Variants in ZCWPW2 observed in about 807,000 individuals in gnomAD.
The protein encoded by ZCWPW2 is zinc finger CW-type and PWWP domain containing 2, also known as zinc finger CW-type PWWP domain protein 2.
In ZCWPW2, 45 loss-of-function variants were observed where a neutral mutation model predicts 46.6. The observed-to-expected ratio is 0.96, with a 90% CI of 0.76 to 1.24. The LOEUF (loss-of-function observed/expected upper bound fraction) is 1.24, where lower values mean the gene tolerates loss of function less well. ZCWPW2 is among the 50% of genes most tolerant of loss of function. The pLI is 0.00. For missense variants in ZCWPW2, 429 were observed against 403.9 expected (o/e 1.06, Z -0.53); for synonymous variants, 152 against 137.1 (o/e 1.11, Z -0.76).
At chr3:28,441,956 A>G (rs1325409423) in intron 4 of ZCWPW2, among the ~76,000 whole-genome samples, 2 of 152,168 alleles carry the variant, frequency 1.3e-5, no homozygotes, top group Non-Finnish European at 2.9e-5. Context: ...ACTGTGATTT[A>G]CCTATTTGGG....
At chr3:28,459,546 T>G (rs1478740158) in intron 4 of ZCWPW2, among the ~76,000 whole-genome samples, 2 of 152,200 alleles carry the variant, frequency 1.3e-5, no homozygotes, top group African/African-American at 4.8e-5. Flanking sequence ...TTTATTGTGT[T>G]TACTCTATGG....
chr3:28,386,618 AT>A (rs1169142474), intron 1 of ZCWPW2, among the ~76,000 whole-genome samples: 4 of 152,188 alleles, frequency 2.6e-5, no homozygotes, highest in African/African-American at 9.6e-5. Context: ...CATTTAAACA[AT>A]TTTGATGGTC....
intron 4 of ZCWPW2, among the ~76,000 whole-genome samples, chr3:28,464,008 G>A (rs1698733615): frequency 6.6e-6 from 1 of 152,014 alleles, no homozygotes; most frequent in Non-Finnish European, 1.5e-5. Flanking sequence ...GAAAATTTTG[G>A]GGGAGGAAAT....
rs1297895726 is a variant in ZCWPW2 at position 28,511,755 on chromosome 3, G to C, written c.658-2309G>C. Among the ~76,000 whole-genome samples the C allele has an allele frequency of 2.0e-5, 3 of 151,710 alleles. No individual in the cohort carries two copies. In the East Asian group the frequency reaches 5.8e-4, roughly 29 times the overall value. ...CCATTACCAATTTGTCTTTTTTTAG[G>C]TCAGTGTTTATTTAGATTTACATAA... On this transcript the variant is annotated intron_variant, in intron 6 of 9. Transcript: ENST00000383768.
At chr3:28,448,582 C>T (rs759935723) in intron 4 of ZCWPW2, among the ~76,000 whole-genome samples, 5 of 151,432 alleles carry the variant, frequency 3.3e-5, no homozygotes, top group Admixed American at 6.6e-5. Flanking sequence ...GCCAGGAGTT[C>T]GAGACCCGCC....
chr3:28,437,910 C>A (rs144051568), intron 4 of ZCWPW2, among the ~76,000 whole-genome samples: 1 of 152,226 alleles, frequency 6.6e-6, no homozygotes. Flanking sequence ...CAGACACTGG[C>A]AGAATCTGTC....
chr3:28,479,252 C>A (rs1473374702), intron 5 of ZCWPW2, among the ~76,000 whole-genome samples: 2 of 152,030 alleles, frequency 1.3e-5, no homozygotes, highest in Admixed American at 6.6e-5. Flanking sequence ...ACAATGGGAA[C>A]CATAGCTTTA....
intron 4 of ZCWPW2, chr3:28,461,742 A>T (rs920933728): frequency 5.9e-5 from 9 of 152,210 alleles, no homozygotes; most frequent in African/African-American, 2.2e-4. Flanking sequence ...CATAAAATTT[A>T]AATTAGTGGA....
At position 28,394,553 on chromosome 3, in the gene ZCWPW2, C is replaced by A. The variant is rs374268898; in HGVS notation, c.-14+3936C>A. 1.7e-4 allele frequency among the ~76,000 whole-genome samples: 26 copies of A among 152,022 alleles called. 1 individual carries two copies. In the East Asian group the frequency reaches 5.0e-3, roughly 29 times the overall value. On this transcript the variant is annotated intron_variant, in intron 2 of 9. Coordinates refer to ENST00000383768, the MANE Select transcript of ZCWPW2 (RefSeq NM_001040432.4). ...TATAGTAAGCAAAACAGTATGGTGG[C>A]ATCATAAAAATAGACATATAAGCAA...
chr3:28,512,264 G>A (rs1180395252), intron 6 of ZCWPW2, among the ~76,000 whole-genome samples: 2 of 151,584 alleles, frequency 1.3e-5, no homozygotes, highest in African/African-American at 4.8e-5. Flanking sequence ...TGCAGCCTCC[G>A]CCTTCAGGGT....
At chr3:28,399,634 G>T (rs1362394274) in intron 2 of ZCWPW2, among the ~76,000 whole-genome samples, 1 of 152,196 alleles carries the variant, frequency 6.6e-6, no homozygotes, top group Non-Finnish European at 1.5e-5. Flanking sequence ...CCCAGTATCA[G>T]CCTGGAGCCT....
At chr3:28,428,427 A>G (rs1697109666) in intron 3 of ZCWPW2, 1 of 152,130 alleles carries the variant, frequency 6.6e-6, no homozygotes, top group Admixed American at 6.6e-5. Context: ...CTGGGGAGCA[A>G]CTGAACATCT....
chr3:28,414,215 A>AT (rs201368012), intron 3 of ZCWPW2, among the ~76,000 whole-genome samples: 2 of 149,138 alleles, frequency 1.3e-5, no homozygotes, highest in African/African-American at 2.5e-5. Flanking sequence ...TATAAATTTA[A>AT]TTTTTTTTCT....
chr3:28,395,507 T>C (rs185394501), intron 2 of ZCWPW2, among the ~76,000 whole-genome samples: 2 of 152,254 alleles, frequency 1.3e-5, no homozygotes, highest in East Asian at 1.9e-4. Context: ...GGAAACAAAC[T>C]AATGTCCATC....
intron 5 of ZCWPW2, 41 bp from the exon 6 acceptor site, chr3:28,492,086 T>A: frequency 1.9e-6 from 3 of 1,594,576 alleles, no homozygotes; most frequent in Non-Finnish European, 2.6e-6. Context: ...AACAGGAACA[T>A]AGGCACTTTT....
chr3:28,379,139 T>C (rs555087084), intron 1 of ZCWPW2, among the ~76,000 whole-genome samples: 1 of 152,104 alleles, frequency 6.6e-6, no homozygotes, highest in Admixed American at 6.6e-5. Context: ...TAGCAAACCC[T>C]CAAGAAAAAG....
At chr3:28,350,750 G>T (rs1325465210) in intron 1 of ZCWPW2, among the ~76,000 whole-genome samples, 1 of 151,700 alleles carries the variant, frequency 6.6e-6, no homozygotes, top group African/African-American at 2.4e-5. Context: ...TGTATTAAAG[G>T]TTTATTATCA....
intron 1 of ZCWPW2, among the ~76,000 whole-genome samples, chr3:28,372,799 C>G (rs1169612113): frequency 6.6e-6 from 1 of 152,156 alleles, no homozygotes; most frequent in Non-Finnish European, 1.5e-5. Context: ...TTAAAGTCCC[C>G]AGTGTCTATT....
chr3:28,391,929 T>A (rs952617712), intron 2 of ZCWPW2, among the ~76,000 whole-genome samples: 2 of 151,802 alleles, frequency 1.3e-5, no homozygotes, highest in Admixed American at 6.6e-5. Flanking sequence ...CCAGAAAAAA[T>A]TTAACAAAAT....
Sources: allele counts gnomAD v4.1 joint callset (sites outside exome capture counted in the v4.1 genomes callset), GRCh38; gene constraint gnomAD v4.1.1; transcripts MANE v1.5; gene names NCBI Gene and HGNC (gene_info 2026-07-23, HGNC 2026-07-21).